Variants in CTNNA3 observed in about 807,000 individuals in gnomAD.
CTNNA3 encodes catenin alpha-3.
A neutral mutation model predicts 95.7 loss-of-function variants in CTNNA3; 76 were observed. That is an observed-to-expected ratio of 0.79 (90% CI 0.66 to 0.96). The LOEUF (loss-of-function observed/expected upper bound fraction) is 0.96, where lower values mean the gene tolerates loss of function less well. Ranked by LOEUF, CTNNA3 falls within the 40% of genes least tolerant of loss-of-function variation. The probability of loss-of-function intolerance (pLI) is 0.00; values close to 1 mark genes in which losing one functional copy is unlikely to be tolerated. For missense variants in CTNNA3, 1,191 were observed against 1,089.8 expected (o/e 1.09, Z -1.31); for synonymous variants, 431 against 374.4 (o/e 1.15, Z -1.74).
intron 10 of CTNNA3, among the ~76,000 whole-genome samples, chr10:66,599,917 G>C (rs1564559826): frequency 1.3e-5 from 2 of 151,962 alleles, no homozygotes; most frequent in African/African-American, 4.8e-5. Flanking sequence ...ATGTTACCTA[G>C]AGCTAAAGTC....
At chr10:67,439,669 T>C (rs1439776867) in intron 5 of CTNNA3, among the ~76,000 whole-genome samples, 1 of 152,040 alleles carries the variant, frequency 6.6e-6, no homozygotes, top group Non-Finnish European at 1.5e-5. Flanking sequence ...AACCAAACCA[T>C]ATCAGACCCC....
At chr10:67,745,008 A>T (rs1179899146) in intron 1 of CTNNA3, among the ~76,000 whole-genome samples, 1 of 152,046 alleles carries the variant, frequency 6.6e-6, no homozygotes, top group Non-Finnish European at 1.5e-5. Context: ...GTCAGGAAAC[A>T]ACAGGTGCTG....
chr10:66,825,736 C>A (rs1352518222), intron 7 of CTNNA3, among the ~76,000 whole-genome samples: 1 of 152,086 alleles, frequency 6.6e-6, no homozygotes, highest in East Asian at 1.9e-4. Context: ...CAGAACACTG[C>A]CTCTGTTCGG....
At chr10:67,747,946 GA>G (rs1841382479) in intron 1 of CTNNA3, among the ~76,000 whole-genome samples, 2 of 152,292 alleles carry the variant, frequency 1.3e-5, no homozygotes, top group South Asian at 4.1e-4. Context: ...AACATAGCAC[GA>G]GAACTTTGTG....
intron 11 of CTNNA3, among the ~76,000 whole-genome samples, chr10:66,437,773 G>C (rs947724836): frequency 6.6e-6 from 1 of 152,130 alleles, no homozygotes; most frequent in Non-Finnish European, 1.5e-5. Context: ...CTTTGGAAGA[G>C]ACATTCTGGT....
At chr10:66,938,989 C>T (rs1008275899) in intron 7 of CTNNA3, among the ~76,000 whole-genome samples, 5 of 152,112 alleles carry the variant, frequency 3.3e-5, no homozygotes, top group Non-Finnish European at 7.4e-5. Context: ...CTTATCTCAG[C>T]CCCAGTTCTG....
intron 15 of CTNNA3, among the ~76,000 whole-genome samples, chr10:66,002,793 C>T (rs2078796111): frequency 6.6e-6 from 1 of 152,098 alleles, no homozygotes; most frequent in African/African-American, 2.4e-5. Context: ...TCACTCCCAC[C>T]CATATTCCAG....
intron 7 of CTNNA3, among the ~76,000 whole-genome samples, chr10:66,947,875 CA>C (rs1249917579): frequency 6.6e-6 from 1 of 152,148 alleles, no homozygotes; most frequent in Non-Finnish European, 1.5e-5. Flanking sequence ...CATCATTAGG[CA>C]ATTTTGTCAT....
chr10:66,584,504 G>T (rs1046386463), intron 10 of CTNNA3, among the ~76,000 whole-genome samples: 7 of 151,800 alleles, frequency 4.6e-5, no homozygotes, highest in Non-Finnish European at 8.8e-5. Flanking sequence ...AGCTACTCCT[G>T]CTTGCTTTTG....
chr10:66,838,555 T>C (rs1842952630), intron 7 of CTNNA3, among the ~76,000 whole-genome samples: 1 of 151,962 alleles, frequency 6.6e-6, no homozygotes, highest in African/African-American at 2.4e-5. Context: ...AGCAAATAAA[T>C]AAATAAATAA....
At chr10:67,672,792 G>A (rs1423714673) in intron 1 of CTNNA3, among the ~76,000 whole-genome samples, 3 of 151,962 alleles carry the variant, frequency 2.0e-5, no homozygotes, top group African/African-American at 7.2e-5. Flanking sequence ...GTCAGGTAGT[G>A]TGATGCCTCC....
rs117646474 is a variant in CTNNA3 at position 67,428,789 on chromosome 10, G to C, written c.579+93053C>G. On this transcript the variant is annotated intron_variant, in intron 5 of 17. Transcript: ENST00000433211. ...AGCAGGCAGAAAAATGTGAAAAGGGGAGAGATGGGGCTAGCCTACCAGCCT... is the reference window on the plus strand; with the variant it reads ...AGCAGGCAGAAAAATGTGAAAAGGGCAGAGATGGGGCTAGCCTACCAGCCT... 5.7e-4 allele frequency among the ~76,000 whole-genome samples: 86 copies of C among 152,078 alleles called. No homozygotes were observed. The East Asian group carries it at 0.016, about 28-fold the overall frequency.
At chr10:67,193,569 C>T (rs1863214803) in intron 6 of CTNNA3, among the ~76,000 whole-genome samples, 2 of 152,004 alleles carry the variant, frequency 1.3e-5, no homozygotes, top group African/African-American at 2.4e-5. Flanking sequence ...TTAGCTCCCA[C>T]TTATAAATGA....
chr10:67,691,505 G>A (rs1234988008), intron 1 of CTNNA3, among the ~76,000 whole-genome samples: 9 of 151,374 alleles, frequency 5.9e-5, no homozygotes, highest in Non-Finnish European at 8.8e-5. Context: ...CTGCCCGGCC[G>A]CCCATCGTCT....
intron 5 of CTNNA3, among the ~76,000 whole-genome samples, chr10:67,399,638 C>T (rs1844844893): frequency 6.6e-6 from 1 of 152,176 alleles, no homozygotes; most frequent in Non-Finnish European, 1.5e-5. Context: ...ACCTGATCTT[C>T]ACCACCCAAC....
chr10:67,370,899 C>G (rs561846112), intron 5 of CTNNA3, among the ~76,000 whole-genome samples: 1 of 147,268 alleles, frequency 6.8e-6, no homozygotes, highest in African/African-American at 2.5e-5. Flanking sequence ...CAGAGTCTCG[C>G]TCTGTCGCCC....
chr10:66,286,555 G>T (rs1470714642), intron 12 of CTNNA3, among the ~76,000 whole-genome samples: 1 of 152,080 alleles, frequency 6.6e-6, no homozygotes, highest in Non-Finnish European at 1.5e-5. Context: ...TCCAAGGTCT[G>T]TAGTGTTAGC....
intron 5 of CTNNA3, among the ~76,000 whole-genome samples, chr10:67,332,900 C>A (rs1841852127): frequency 6.6e-6 from 1 of 152,158 alleles, no homozygotes; most frequent in Admixed American, 6.5e-5. Context: ...CACGTGAATG[C>A]CCCTGCATTC....
In CTNNA3 at chr10:67,087,046, C is replaced by T. The variant is rs149005460; in HGVS notation, c.1047+93271G>A. Reference sequence around the variant, plus strand: ...TGAAGAAACGGATTTGGAAACACAGCACCAAGATTAGAGAGGCTTTTGAGC... The same window carrying T: ...TGAAGAAACGGATTTGGAAACACAGTACCAAGATTAGAGAGGCTTTTGAGC... On this transcript the variant is annotated intron_variant, in intron 7 of 17. Transcript: ENST00000433211. 9.1e-3 allele frequency among the ~76,000 whole-genome samples: 1,388 copies of T among 152,074 alleles called. 26 individuals carry two copies. The highest frequency in any genetic ancestry group is 0.032 in the African/African-American group (1,321 of 41,508).
Sources: allele counts gnomAD v4.1 joint callset (sites outside exome capture counted in the v4.1 genomes callset), GRCh38; gene constraint gnomAD v4.1.1; transcripts MANE v1.5; gene names NCBI Gene and HGNC (gene_info 2026-07-23, HGNC 2026-07-21).